Variants in EVC observed in about 807,000 individuals in gnomAD.
EVC encodes EvC ciliary complex subunit 1.
EVC carries 116 observed loss-of-function variants against 118.9 expected under a neutral mutation model. The observed-to-expected ratio is 0.98, with a 90% CI of 0.84 to 1.14. The LOEUF (loss-of-function observed/expected upper bound fraction) is 1.14, where lower values mean the gene tolerates loss of function less well. EVC is among the 50% of genes most tolerant of loss of function. The pLI is 0.00. For missense variants in EVC, 1,401 were observed against 1,246.4 expected (o/e 1.12, Z -1.87); for synonymous variants, 619 against 534.7 (o/e 1.16, Z -2.18).
chr4:5,763,469 T>C (rs1732389283), intron 11 of EVC, among the ~76,000 whole-genome samples: 1 of 147,374 alleles, frequency 6.8e-6, no homozygotes, highest in East Asian at 2.0e-4. Context: ...GGGATGGCAT[T>C]GAGTCTATAA....
Position 5,733,384 on chromosome 4 carries a change from C to A in EVC, c.651C>A (p.His217Gln). 1.2e-6 allele frequency: 2 copies of A among 1,614,118 alleles called. No individual in the cohort carries two copies. The highest frequency in any genetic ancestry group is 1.7e-6 in the Non-Finnish European group (2 of 1,179,988). Residue 217 changes from histidine to glutamine, a missense_variant, in exon 5 of 21, where the codon CAC becomes CAA. His to Gln is a conservative substitution (Grantham distance 24). Transcript: ENST00000264956. Reference sequence around the variant, plus strand: ...TTGACCTGTGTATCTACAGCCTTCACTTAAAAGACCTGCTGCATTTGGACA... The same window carrying A: ...TTGACCTGTGTATCTACAGCCTTCAATTAAAAGACCTGCTGCATTTGGACA... ...VDVDLCIYSL[H>Q]LKDLLHLDTA...
chr4:5,715,378 C>G (rs540048233), intron 1 of EVC, among the ~76,000 whole-genome samples: 1 of 152,274 alleles, frequency 6.6e-6, no homozygotes, highest in South Asian at 2.1e-4. Context: ...GGGCTCTACC[C>G]CAGACTCACT....
At chr4:5,757,575 T>C (rs1731368370) in intron 11 of EVC, among the ~76,000 whole-genome samples, 1 of 152,248 alleles carries the variant, frequency 6.6e-6, no homozygotes, top group Admixed American at 6.5e-5. Flanking sequence ...GTGAGGCCTC[T>C]CTTCCGGGCT....
At position 5,797,223 on chromosome 4, in the gene EVC, C is replaced by A. The variant is rs761661473; in HGVS notation, c.2088C>A (p.Leu696=). ...QCLDEHQWQL[L]RALEARVLEE... ...TGGACGAGCATCAGTGGCAGCTGCT[C>A]AGGGCCCTGGTAAGACCAGCATGGT... The change falls in exon 14 of 21, where the codon CTC becomes CTA. Residue 696 remains leucine, a synonymous_variant. Coordinates refer to ENST00000264956, the MANE Select transcript of EVC (RefSeq NM_153717.3). 2.5e-6 allele frequency: 4 copies of A among 1,608,354 alleles called. No individual in the cohort carries two copies. Among genetic ancestry groups the A allele is most frequent in the Non-Finnish European group, 2.5e-6 (3 of 1,178,422 alleles).
chr4:5,758,121 T>C (rs1296487274), intron 11 of EVC: 1 of 702,262 alleles, frequency 1.4e-6, no homozygotes, highest in Non-Finnish European at 2.6e-6. Flanking sequence ...AAGGAGGCTG[T>C]TTGAAGACAG....
chr4:5,820,293 A>T, the EVC span, among the ~76,000 whole-genome samples: 2 of 151,832 alleles, frequency 1.3e-5, no homozygotes, highest in Non-Finnish European at 2.9e-5. Context: ...CGTCACCATC[A>T]TCACCATCAC....
At chr4:5,814,847 C>T (rs1384968757), downstream of EVC, among the ~76,000 whole-genome samples, 1 of 152,100 alleles carries the variant, frequency 6.6e-6, no homozygotes, top group Non-Finnish European at 1.5e-5. Flanking sequence ...TCCCCCTCTG[C>T]CCCCAACCCT....
chr4:5,787,399 AG>A (rs1711883695), intron 12 of EVC, among the ~76,000 whole-genome samples: 1 of 152,236 alleles, frequency 6.6e-6, no homozygotes, highest in African/African-American at 2.4e-5. Flanking sequence ...TGTTATCACA[AG>A]GGTCCTTATA....
At position 5,754,750 on chromosome 4, in the gene EVC, C is replaced by G. The variant is rs373481337; in HGVS notation, c.1464+817C>G. ...GGCATGTTGCTTACCCTCTGGCCCT[C>G]AGCTTCCACATCTGTGAAATGGGCA... On this transcript the variant is annotated intron_variant, in intron 10 of 20. Transcript: ENST00000264956. This position sits in a 1 kb window ranked among gnomAD's most constrained non-coding sequence, Gnocchi z 5.8. 2.0e-4 allele frequency among the ~76,000 whole-genome samples: 30 copies of G among 152,230 alleles called. 1 individual carries two copies. In the East Asian group the frequency reaches 2.1e-3, roughly 11 times the overall value.
At chr4:5,828,795 A>G in the EVC span, 2 of 1,162,464 alleles carry the variant, frequency 1.7e-6, no homozygotes, top group Admixed American at 5.5e-5. Context: ...CTCTAAAAAT[A>G]CCTTTTATTG....
chr4:5,769,041 T>G (rs1351971827), intron 11 of EVC, among the ~76,000 whole-genome samples: 1 of 152,056 alleles, frequency 6.6e-6, no homozygotes, highest in Non-Finnish European at 1.5e-5. Flanking sequence ...ACAGTGGCTG[T>G]GAGATACATT....
chr4:5,744,597 G>T (rs1418448631), intron 6 of EVC, among the ~76,000 whole-genome samples: 1 of 152,144 alleles, frequency 6.6e-6, no homozygotes, highest in Non-Finnish European at 1.5e-5. Context: ...AGCTATCATG[G>T]CTTCCTAATA....
At chr4:5,736,212 G>T (rs1446893560) in intron 5 of EVC, among the ~76,000 whole-genome samples, 1 of 152,164 alleles carries the variant, frequency 6.6e-6, no homozygotes, top group Non-Finnish European at 1.5e-5. Flanking sequence ...TTCTCATGGT[G>T]CTAGAATATT....
chr4:5,733,757 A>G (rs1672984793), intron 5 of EVC, among the ~76,000 whole-genome samples: 1 of 152,216 alleles, frequency 6.6e-6, no homozygotes. Context: ...GTTTAAAGGA[A>G]TGATAATAAT....
chr4:5,782,432 C>T (rs1436273677), intron 11 of EVC, among the ~76,000 whole-genome samples: 7 of 109,968 alleles, frequency 6.4e-5, no homozygotes, highest in African/African-American at 2.2e-4. Flanking sequence ...GTCTCTCTGT[C>T]GCCCAGGCTG....
Position 5,813,836 on chromosome 4 carries a change from G to A in EVC, c.*2799G>A, listed in dbSNP as rs1370275276. 17 of 152,264 alleles carry A rather than the reference G, an allele frequency of 1.1e-4. No homozygotes were observed. Among genetic ancestry groups the A allele is most frequent in the Admixed American group, 1.1e-3 (17 of 15,290 alleles). The allele number at this position is 152,264 out of a possible 1,614,324, so 9.4% of individuals were successfully genotyped here. On this transcript the variant is annotated 3_prime_UTR_variant, in exon 21 of 21. Transcript: ENST00000264956. ...GACCCTGGCCCACCCTTGCCGCCCA[G>A]CTGTTGTGCTGGGCACAGTCTGGGG...
chr4:5,737,891 T>C lies in EVC; in HGVS notation c.703-3825T>C, dbSNP rs1336612131. ...GAGTAATTTCAACTTTCAAGTCTTA[T>C]TATTTAAGAAATACATTTCCTAAGG... On this transcript the variant is annotated intron_variant, in intron 5 of 20. Transcript: ENST00000264956. The surrounding 1 kb of genome is among the most constrained non-coding windows in gnomAD (Gnocchi z 5.0). Among the ~76,000 whole-genome samples the C allele has an allele frequency of 6.6e-6, 1 of 152,234 alleles. No homozygotes were observed.
chr4:5,797,763 T>A (rs1714250005), intron 14 of EVC, among the ~76,000 whole-genome samples: 1 of 152,234 alleles, frequency 6.6e-6, no homozygotes, highest in African/African-American at 2.4e-5. Flanking sequence ...GCCACCCATG[T>A]ACCAAAAGTT....
chr4:5,711,646 C>G (rs1342421665), intron 1 of EVC, 92 bp downstream of exon 1: 3 of 993,832 alleles, frequency 3.0e-6, no homozygotes, highest in Non-Finnish European at 3.7e-6. Flanking sequence ...TCTGCGACTC[C>G]TTGAGCCTGG....
Sources: gnomAD v4.1 joint callset for allele counts (sites outside exome capture counted in the v4.1 genomes callset) on GRCh38, gnomAD v4.1.1 for gene constraint, Gnocchi (gnomAD v3.1) non-coding constraint, MANE v1.5 for transcripts, NCBI Gene and HGNC (gene_info 2026-07-23, HGNC 2026-07-21) for gene names.